Variants in AGMO observed in about 807,000 individuals in gnomAD.
The protein encoded by AGMO is glyceryl-ether monooxygenase.
A neutral mutation model predicts 60.2 loss-of-function variants in AGMO; 75 were observed. That is an observed-to-expected ratio of 1.25 (90% confidence interval 1.03 to 1.51). The LOEUF is 1.51. AGMO is among the 40% of genes most tolerant of loss of function. The pLI, the probability that AGMO is intolerant of heterozygous loss-of-function variation, is 0.00. For missense variants in AGMO, 763 were observed against 525.5 expected, an observed-to-expected ratio of 1.45 and a Z score of -4.42; for synonymous variants, 261 against 177.1, an observed-to-expected ratio of 1.47 and a Z score of -3.76.
intron 12 of AGMO, among the ~76,000 whole-genome samples, chr7:15,253,166 A>G (rs1047763135): frequency 1.3e-5 from 2 of 152,210 alleles, no homozygotes; most frequent in African/African-American, 4.8e-5. Context: ...AACATGAAAT[A>G]GAGACAAAAT....
At position 15,561,894 on chromosome 7, in the gene AGMO, T is replaced by C. The variant is rs780995192; in HGVS notation, c.-49A>G. On this transcript the variant is annotated 5_prime_UTR_variant, in exon 1 of 13. Coordinates refer to ENST00000342526, the MANE Select transcript of AGMO (RefSeq NM_001004320.2). ...CTGGAGAATATTTAGGATTCAATGC[T>C]TGAAGCCTGAGGCTGAACAAAGAGG... The C allele has an allele frequency of 5.8e-6, 9 of 1,548,564 alleles. No homozygotes were observed. Among genetic ancestry groups the C allele is most frequent in the Non-Finnish European group, 7.9e-6 (9 of 1,142,896 alleles).
At chr7:15,326,305 CA>C (rs1472203098) in intron 12 of AGMO, among the ~76,000 whole-genome samples, 1 of 152,122 alleles carries the variant, frequency 6.6e-6, no homozygotes, top group African/African-American at 2.4e-5. Context: ...CTGAAAATGA[CA>C]TATAATCAGT....
At chr7:15,408,315 C>A (rs1784757915) in intron 5 of AGMO, among the ~76,000 whole-genome samples, 1 of 151,898 alleles carries the variant, frequency 6.6e-6, no homozygotes, top group East Asian at 1.9e-4. Context: ...ATGTTAGGAG[C>A]ACCCTAATAT....
At chr7:15,345,551 T>G (rs1017858007) in intron 12 of AGMO, among the ~76,000 whole-genome samples, 1 of 152,204 alleles carries the variant, frequency 6.6e-6, no homozygotes, top group African/African-American at 2.4e-5. Context: ...CTACTGTAAT[T>G]ACTATTTTAT....
chr7:15,351,994 G>A (rs1438974950), intron 12 of AGMO, among the ~76,000 whole-genome samples: 1 of 152,112 alleles, frequency 6.6e-6, no homozygotes, highest in East Asian at 1.9e-4. Context: ...CAAATAAATA[G>A]CTTGTTAATT....
chr7:15,263,822 C>T (rs1439660726), intron 12 of AGMO, among the ~76,000 whole-genome samples: 1 of 152,084 alleles, frequency 6.6e-6, no homozygotes, highest in African/African-American at 2.4e-5. Flanking sequence ...AATGGAAAAC[C>T]AAACATCGTA....
At chr7:15,256,287 C>G (rs1783095058) in intron 12 of AGMO, among the ~76,000 whole-genome samples, 1 of 152,224 alleles carries the variant, frequency 6.6e-6, no homozygotes, top group African/African-American at 2.4e-5. Context: ...CAGTCAATAA[C>G]AAACCACATA....
chr7:15,507,956 C>G (rs1273463821), intron 3 of AGMO, among the ~76,000 whole-genome samples: 2 of 151,852 alleles, frequency 1.3e-5, no homozygotes, highest in Non-Finnish European at 2.9e-5. Context: ...GGTGATGACT[C>G]TCAAGTGCTC....
chr7:15,292,832 A>C (rs1010628191), intron 12 of AGMO, among the ~76,000 whole-genome samples: 14 of 133,580 alleles, frequency 1.0e-4, no homozygotes, highest in Admixed American at 2.8e-4. Flanking sequence ...ATCTCGGCTC[A>C]CTGCAACCTC....
intron 12 of AGMO, among the ~76,000 whole-genome samples, chr7:15,237,691 A>T (rs1192830031): frequency 6.6e-6 from 1 of 152,086 alleles, no homozygotes; most frequent in African/African-American, 2.4e-5. Context: ...AAATGATAGC[A>T]ATACACACAC....
At chr7:15,470,630 T>C (rs1285220594) in intron 3 of AGMO, among the ~76,000 whole-genome samples, 1 of 152,014 alleles carries the variant, frequency 6.6e-6, no homozygotes, top group East Asian at 1.9e-4. Context: ...CTTACAATGC[T>C]GAAATTAAAC....
intron 3 of AGMO, among the ~76,000 whole-genome samples, chr7:15,501,766 G>A (rs975909928): frequency 1.3e-5 from 2 of 151,698 alleles, no homozygotes; most frequent in Admixed American, 6.6e-5. Context: ...CATAGCAGGA[G>A]AAAAACAGAA....
At chr7:15,185,497 G>A in the AGMO span, among the ~76,000 whole-genome samples, 6 of 152,214 alleles carry the variant, frequency 3.9e-5, no homozygotes, top group South Asian at 2.1e-4. Flanking sequence ...CCTAAACCAC[G>A]CACTTTGGTA....
chr7:15,268,760 G>A (rs923806955), intron 12 of AGMO, among the ~76,000 whole-genome samples: 3 of 151,956 alleles, frequency 2.0e-5, no homozygotes, highest in Non-Finnish European at 4.4e-5. Context: ...ATAAGAGAGA[G>A]GGATGGGGAT....
At position 15,354,363 on chromosome 7, in the gene AGMO, TATATAG is replaced by T. The variant is rs1365394225; in HGVS notation, c.1263+11145_1263+11150del. Among the ~76,000 whole-genome samples, 18 of 85,396 alleles carry T rather than the reference TATATAG, an allele frequency of 2.1e-4. 4 individuals are homozygous for T. Among genetic ancestry groups the T allele is most frequent in the African/African-American group, 1.1e-3 (17 of 15,098 alleles). The allele number at this position is 85,396 out of a possible 152,430, so 56.0% of individuals were successfully genotyped here. On this transcript the variant is annotated intron_variant, in intron 12 of 12. Transcript: ENST00000342526. The stretch of plus-strand genomic sequence containing the variant: ...ATACACGCGTGTATATAGACGTGTG[TATATAG>T]ACGTGTGTATACACGTGTGTGTATA...
Position 15,434,398 on chromosome 7 carries a change from A to G in AGMO, c.410-3290T>C, listed in dbSNP as rs1219068600. Among the ~76,000 whole-genome samples, 3 of 152,122 alleles carry G rather than the reference A, an allele frequency of 2.0e-5. No homozygotes were observed. In the East Asian group the frequency reaches 5.8e-4, roughly 29 times the overall value. On this transcript the variant is annotated intron_variant, in intron 3 of 12. Transcript: ENST00000342526. Reference sequence around the variant, plus strand: ...TTCTTCTAGTAAACAGAAATTTAGCAAAGATGATGGGATGTCACTTCTGAT... The same window carrying G: ...TTCTTCTAGTAAACAGAAATTTAGCGAAGATGATGGGATGTCACTTCTGAT...
chr7:15,401,710 C>G (rs1290805612), intron 5 of AGMO, among the ~76,000 whole-genome samples: 1 of 152,018 alleles, frequency 6.6e-6, no homozygotes, highest in Non-Finnish European at 1.5e-5. Flanking sequence ...AAGATGCTTA[C>G]AAATATTTAT....
the AGMO span, among the ~76,000 whole-genome samples, chr7:15,186,317 T>G: frequency 6.6e-6 from 1 of 152,242 alleles, no homozygotes; most frequent in African/African-American, 2.4e-5. Flanking sequence ...CACATTACTC[T>G]TTCAAATGTT....
At position 15,560,121 on chromosome 7, in the gene AGMO, T is replaced by A; in HGVS notation, c.257+20A>T. 1 of 1,593,024 alleles carries A rather than the reference T, an allele frequency of 6.3e-7. No individual in the cohort carries two copies. Among genetic ancestry groups the A allele is most frequent in the Non-Finnish European group, 8.6e-7 (1 of 1,165,776 alleles). On this transcript the variant is annotated intron_variant, in intron 2 of 12. Coordinates refer to ENST00000342526, the MANE Select transcript of AGMO (RefSeq NM_001004320.2). ...GCAATTTCAGTTTTTATGCTCAGCG[T>A]TGTTGACCATCTAACTCACCTTGGA...
Sources: allele counts gnomAD v4.1 joint callset (sites outside exome capture counted in the v4.1 genomes callset), GRCh38; gene constraint gnomAD v4.1.1; transcripts MANE v1.5; gene names NCBI Gene and HGNC (gene_info 2026-07-23, HGNC 2026-07-21).